TRAK2: variants seen among roughly 807,000 people sequenced by gnomAD.
TRAK2 encodes trafficking kinesin protein 2.
TRAK2 carries 81 observed loss-of-function variants against 104.6 expected under a neutral mutation model. The observed-to-expected ratio is 0.77, with a 90% CI of 0.65 to 0.93. The LOEUF (loss-of-function observed/expected upper bound fraction) is 0.93, where lower values mean the gene tolerates loss of function less well. Ranked by LOEUF, TRAK2 falls within the 40% of genes least tolerant of loss-of-function variation. The pLI, the probability that TRAK2 is intolerant of heterozygous loss-of-function variation, is 0.00. For missense variants in TRAK2, 1,002 were observed against 1,089.0 expected (o/e 0.92, Z 1.12); for synonymous variants, 406 against 394.4 (o/e 1.03, Z -0.35).
intron 1 of TRAK2, among the ~76,000 whole-genome samples, chr2:201,424,695 C>T (rs1050176586): frequency 3.9e-5 from 6 of 152,044 alleles, no homozygotes; most frequent in Admixed American, 6.5e-5. Context: ...CTCTGACTCC[C>T]GGGTTCACGC....
intron 1 of TRAK2, among the ~76,000 whole-genome samples, chr2:201,431,967 A>G (rs1308729780): frequency 6.6e-6 from 1 of 152,260 alleles, no homozygotes. Context: ...GGGAAATAAC[A>G]TGAGTTAATA....
At chr2:201,435,885 A>G (rs1951877285) in intron 1 of TRAK2, among the ~76,000 whole-genome samples, 1 of 152,122 alleles carries the variant, frequency 6.6e-6, no homozygotes, top group Non-Finnish European at 1.5e-5. Context: ...CAGAGAGAAC[A>G]CCAGAAATCT....
At chr2:201,407,998 C>G (rs1951611414) in intron 2 of TRAK2, among the ~76,000 whole-genome samples, 1 of 152,174 alleles carries the variant, frequency 6.6e-6, no homozygotes, top group African/African-American at 2.4e-5. Context: ...TGAGGACATT[C>G]AAAATCCTAC....
In TRAK2 at chr2:201,434,774, G is replaced by A. The variant is rs572612978; in HGVS notation, c.-199-14068C>T. Among the ~76,000 whole-genome samples the A allele has an allele frequency of 9.2e-5, 14 of 152,266 alleles. No individual in the cohort carries two copies. In the South Asian group the frequency reaches 2.7e-3, roughly 29 times the overall value. On this transcript the variant is annotated intron_variant, in intron 1 of 15. Coordinates refer to ENST00000332624, the MANE Select transcript of TRAK2 (RefSeq NM_015049.3). ...ATGTCCCAGAGTGACAGTATCAAAG[G>A]AGATACATAAAAATGCTTAATACAG...
Position 201,398,162 on chromosome 2 carries a change from T to C in TRAK2, c.673A>G (p.Met225Val). ...EKLKELEEEN[M>V]ALRSKACHIK... ...GAACGTACCTTGGATCGAAGAGCCA[T>C]ATTCTCTTCTTCCAGTTCCTTGAGC... The change falls in exon 6 of 16, where the codon ATG becomes GTG. Residue 225 changes from methionine (M) to valine (V), a missense_variant. By Grantham distance (21) the Met-to-Val change is conservative. Coordinates refer to ENST00000332624, the MANE Select transcript of TRAK2 (RefSeq NM_015049.3). 1 of 1,613,596 alleles carries C rather than the reference T, an allele frequency of 6.2e-7. No individual in the cohort carries two copies. Among genetic ancestry groups the C allele is most frequent in the African/African-American group, 1.3e-5 (1 of 75,030 alleles).
chr2:201,395,408 T>G lies in TRAK2; in HGVS notation c.806A>C (p.Glu269Ala). 1.3e-6 allele frequency: 2 copies of G among 1,581,542 alleles called. No homozygotes were observed. Among genetic ancestry groups the G allele is most frequent in the Non-Finnish European group, 1.7e-6 (2 of 1,157,168 alleles). The change falls in exon 8 of 16, where the codon GAA (glutamate) becomes GCA (alanine). Residue 269 changes from glutamate to alanine, a missense_variant. Coordinates refer to ENST00000332624, the MANE Select transcript of TRAK2 (RefSeq NM_015049.3). ...TNAQMSRMTE[E>A]LSGKSDELIR... is the part of the protein sequence containing the mutation. ...CAGCTCATCACTCTTCCCTGACAAT[T>G]CTTCAGTCATTCTGGACATCTGAGC...
chr2:201,448,316 A>G (rs1951981470), intron 1 of TRAK2, among the ~76,000 whole-genome samples: 1 of 152,242 alleles, frequency 6.6e-6, no homozygotes, highest in Non-Finnish European at 1.5e-5. Context: ...TAGTAGCTAC[A>G]TGACCTTTGG....
intron 2 of TRAK2, among the ~76,000 whole-genome samples, chr2:201,410,046 C>T (rs1331878927): frequency 2.0e-5 from 3 of 152,178 alleles, no homozygotes; most frequent in Non-Finnish European, 2.9e-5. Flanking sequence ...GCCTGTAATC[C>T]CAGCACTCTG....
intron 1 of TRAK2, among the ~76,000 whole-genome samples, chr2:201,438,021 G>GT (rs1335131942): frequency 6.6e-6 from 1 of 152,166 alleles, no homozygotes; most frequent in East Asian, 1.9e-4. Flanking sequence ...TTTGATTAGT[G>GT]TATCATTTTC....
intron 9 of TRAK2, among the ~76,000 whole-genome samples, chr2:201,393,867 C>G (rs538498993): frequency 6.6e-6 from 1 of 152,268 alleles, no homozygotes; most frequent in East Asian, 1.9e-4. Context: ...TCTACCTCAG[C>G]CTCTCAAATA....
At chr2:201,404,661 T>G (rs1308143778) in intron 3 of TRAK2, among the ~76,000 whole-genome samples, 1 of 152,186 alleles carries the variant, frequency 6.6e-6, no homozygotes, top group Non-Finnish European at 1.5e-5. Flanking sequence ...TGCTTGATAG[T>G]TCTCTCATAT....
chr2:201,439,050 A>G (rs1265068518), intron 1 of TRAK2, among the ~76,000 whole-genome samples: 1 of 152,264 alleles, frequency 6.6e-6, no homozygotes, highest in Non-Finnish European at 1.5e-5. Flanking sequence ...ATTCCAATAA[A>G]TTAAGTCTAC....
chr2:201,430,383 G>T (rs931664342), intron 1 of TRAK2, among the ~76,000 whole-genome samples: 1 of 152,266 alleles, frequency 6.6e-6, no homozygotes, highest in African/African-American at 2.4e-5. Context: ...TAAGTCTGCA[G>T]AAGTTTCTGC....
At chr2:201,439,663 C>CA (rs1188132976) in intron 1 of TRAK2, among the ~76,000 whole-genome samples, 1 of 150,610 alleles carries the variant, frequency 6.6e-6, no homozygotes, top group East Asian at 1.9e-4. Flanking sequence ...GCCAAGATGG[C>CA]AAAATAGAAA....
intron 1 of TRAK2, among the ~76,000 whole-genome samples, chr2:201,439,390 T>A (rs1951901998): frequency 6.7e-6 from 1 of 148,810 alleles, no homozygotes; most frequent in African/African-American, 2.5e-5. Flanking sequence ...CTTTAATACT[T>A]TTTTTTTTTG....
At position 201,397,581 on chromosome 2, in the gene TRAK2, C is replaced by G; in HGVS notation, c.691-1G>C. On this transcript the variant is annotated splice_acceptor_variant, in intron 6 of 15. Coordinates refer to ENST00000332624, the MANE Select transcript of TRAK2 (RefSeq NM_015049.3). LOFTEE classifies it high-confidence loss of function. Reference sequence around the variant, plus strand: ...CAGTTTCTGTCTTTATGTGACAAGCCTTCAAGAAAAAAATCAGTATGTGAC... The same window carrying G: ...CAGTTTCTGTCTTTATGTGACAAGCGTTCAAGAAAAAAATCAGTATGTGAC... The G allele has an allele frequency of 6.2e-7, 1 of 1,609,278 alleles. No individual in the cohort carries two copies. The highest frequency in any genetic ancestry group is 1.3e-5 in the African/African-American group (1 of 74,764).
In TRAK2 at chr2:201,378,675, C is replaced by A. The variant is rs1305315850; in HGVS notation, c.*1868G>T. 6.6e-6 allele frequency: 1 copy of A among 152,150 alleles called. No individual in the cohort carries two copies. The highest frequency in any genetic ancestry group is 6.5e-5 in the Admixed American group (1 of 15,288). 9.4% of individuals were successfully genotyped at this position (152,150 alleles called of 1,614,324 possible). ...ACACTTATATTCACATATAAACCTG[C>A]TGGAATCCTTTCTGAAACTCTACAC... On this transcript the variant is annotated 3_prime_UTR_variant, in exon 16 of 16. Transcript: ENST00000332624.
intron 1 of TRAK2, among the ~76,000 whole-genome samples, chr2:201,428,949 T>G (rs1951816688): frequency 6.6e-6 from 1 of 152,240 alleles, no homozygotes; most frequent in African/African-American, 2.4e-5. Context: ...GGGAGTTCAC[T>G]CATGATTTGG....
intron 1 of TRAK2, among the ~76,000 whole-genome samples, chr2:201,439,994 T>C (rs1039477322): frequency 6.9e-6 from 1 of 144,274 alleles, no homozygotes; most frequent in African/African-American, 2.6e-5. Flanking sequence ...AAATGATGAG[T>C]TAATGGGTGC....
Sources: allele counts gnomAD v4.1 joint callset (sites outside exome capture counted in the v4.1 genomes callset), GRCh38; gene constraint gnomAD v4.1.1; transcripts MANE v1.5; gene names NCBI Gene and HGNC (gene_info 2026-07-23, HGNC 2026-07-21).